Variants in UNC5D observed in about 807,000 individuals in gnomAD.
UNC5D encodes the protein unc-5 netrin receptor D.
In UNC5D, 39 loss-of-function variants were observed where a neutral mutation model predicts 105.4. The ratio of observed to expected loss-of-function variants is 0.37; its 90% CI spans 0.29 to 0.48. UNC5D has a LOEUF of 0.48. Ranked by LOEUF, UNC5D falls within the 20% of genes least tolerant of loss-of-function variation. UNC5D has a pLI of 0.98. For missense variants in UNC5D, 991 were observed against 1,202.4 expected (o/e 0.82, Z 2.60); for synonymous variants, 452 against 450.4 (o/e 1.00, Z -0.04).
chr8:35,414,395 GCTT>G (rs1805398805), intron 1 of UNC5D, among the ~76,000 whole-genome samples: 1 of 151,978 alleles, frequency 6.6e-6, no homozygotes, highest in Non-Finnish European at 1.5e-5. Context: ...TCAGACTGTA[GCTT>G]CCTTCTTCTA....
At chr8:35,615,060 C>T (rs1820947174) in intron 4 of UNC5D, among the ~76,000 whole-genome samples, 1 of 143,812 alleles carries the variant, frequency 7.0e-6, no homozygotes. Context: ...GTCCCCCACC[C>T]CCCGATCTCC....
At chr8:35,276,071 GT>G (rs1010374360) in intron 1 of UNC5D, among the ~76,000 whole-genome samples, 9 of 152,004 alleles carry the variant, frequency 5.9e-5, no homozygotes, top group Non-Finnish European at 1.3e-4. Flanking sequence ...GATACAACGT[GT>G]TTTTTTATTG....
Position 35,513,634 on chromosome 8 carries a change from A to C in UNC5D, c.104-35658A>C, listed in dbSNP as rs534241471. Among the ~76,000 whole-genome samples the C allele has an allele frequency of 3.9e-5, 6 of 152,300 alleles. No homozygotes were observed. The South Asian group carries it at 1.2e-3, about 32-fold the overall frequency. On this transcript the variant is annotated intron_variant, in intron 1 of 16. Coordinates refer to ENST00000404895, the MANE Select transcript of UNC5D (RefSeq NM_080872.4). The stretch of plus-strand genomic sequence containing the variant: ...TCCCTACAGCACTTACTTGTCATCT[A>C]ACATACCATAGACTTGTTAAAAATG...
At chr8:35,311,711 C>T (rs1172586868) in intron 1 of UNC5D, among the ~76,000 whole-genome samples, 1 of 152,074 alleles carries the variant, frequency 6.6e-6, no homozygotes, top group East Asian at 1.9e-4. Context: ...ATCACATCCT[C>T]AGCAGCAACT....
At chr8:35,672,904 A>G (rs1162313864) in intron 4 of UNC5D, among the ~76,000 whole-genome samples, 1 of 152,186 alleles carries the variant, frequency 6.6e-6, no homozygotes, top group African/African-American at 2.4e-5. Flanking sequence ...AAAGGACAAC[A>G]CTATCTGACA....
At chr8:35,309,118 T>TGG (rs1437753800) in intron 1 of UNC5D, among the ~76,000 whole-genome samples, 1 of 152,186 alleles carries the variant, frequency 6.6e-6, no homozygotes, top group Non-Finnish European at 1.5e-5. Context: ...TTCTTCCTCA[T>TGG]GAACAATTCT....
In UNC5D at chr8:35,263,727, A is replaced by G. The variant is rs75940130; in HGVS notation, c.103+27840A>G. Among the ~76,000 whole-genome samples the G allele has an allele frequency of 8.5e-5, 13 of 152,364 alleles. No homozygotes were observed. The East Asian group carries it at 2.5e-3, about 29-fold the overall frequency. ...AGATGACAGAATACAAACTGAATAA[A>G]TGACCTGACCTTAGGAATTAGAATT... On this transcript the variant is annotated intron_variant, in intron 1 of 16. Transcript: ENST00000404895.
At chr8:35,597,692 T>G (rs1047629468) in intron 4 of UNC5D, among the ~76,000 whole-genome samples, 1 of 152,082 alleles carries the variant, frequency 6.6e-6, no homozygotes, top group African/African-American at 2.4e-5. Context: ...ACTCTAGGTC[T>G]CTATTGATCT....
At chr8:35,592,356 C>G (rs911969613) in intron 3 of UNC5D, among the ~76,000 whole-genome samples, 2 of 152,046 alleles carry the variant, frequency 1.3e-5, no homozygotes, top group Non-Finnish European at 2.9e-5. Flanking sequence ...TGGTTTGTTT[C>G]CTTCTCTTGT....
chr8:35,548,421 G>C (rs1208370575), intron 1 of UNC5D, among the ~76,000 whole-genome samples: 1 of 152,110 alleles, frequency 6.6e-6, no homozygotes, highest in Non-Finnish European at 1.5e-5. Flanking sequence ...CCTCTCCACT[G>C]TGCTCAGCAA....
intron 14 of UNC5D, among the ~76,000 whole-genome samples, chr8:35,763,201 T>G (rs1801621073): frequency 6.6e-6 from 1 of 152,230 alleles, no homozygotes; most frequent in Non-Finnish European, 1.5e-5. Flanking sequence ...AAATATTCCC[T>G]TGATACTGTC....
At chr8:35,538,399 ATATATATATATATAT>A (rs1563513998) in intron 1 of UNC5D, among the ~76,000 whole-genome samples, 119 of 23,488 alleles carry the variant, frequency 5.1e-3, no homozygotes, top group African/African-American at 0.045. Flanking sequence ...AAATAATTAT[ATATATATATATATAT>A]ATATATATAT....
At chr8:35,250,378 A>T (rs1462691327) in intron 1 of UNC5D, among the ~76,000 whole-genome samples, 1 of 152,120 alleles carries the variant, frequency 6.6e-6, no homozygotes, top group South Asian at 2.1e-4. Flanking sequence ...ATTTCAACTT[A>T]TATTTTAGAT....
chr8:35,526,252 A>T (rs1813863607), intron 1 of UNC5D, among the ~76,000 whole-genome samples: 1 of 152,272 alleles, frequency 6.6e-6, no homozygotes, highest in East Asian at 1.9e-4. Context: ...CAGGGTCCAC[A>T]TTTATCTTGA....
chr8:35,449,438 C>T (rs1190847383), intron 1 of UNC5D, among the ~76,000 whole-genome samples: 1 of 152,148 alleles, frequency 6.6e-6, no homozygotes, highest in Non-Finnish European at 1.5e-5. Flanking sequence ...CAGTCTTCCC[C>T]TCCACTCTAC....
At chr8:35,245,040 T>C (rs919187568) in intron 1 of UNC5D, among the ~76,000 whole-genome samples, 1 of 152,094 alleles carries the variant, frequency 6.6e-6, no homozygotes, top group Non-Finnish European at 1.5e-5. Context: ...TAAATAAATA[T>C]GCCATTAGAG....
At chr8:35,454,382 A>C (rs1026554764) in intron 1 of UNC5D, among the ~76,000 whole-genome samples, 31 of 152,110 alleles carry the variant, frequency 2.0e-4, no homozygotes, top group African/African-American at 7.5e-4. Flanking sequence ...ACTTTGATAT[A>C]AAAGGGAATA....
chr8:35,348,993 T>A (rs1462751807), intron 1 of UNC5D, among the ~76,000 whole-genome samples: 2 of 151,912 alleles, frequency 1.3e-5, no homozygotes, highest in African/African-American at 4.8e-5. Flanking sequence ...TCTTAAAAAA[T>A]TTAGCAAATT....
intron 1 of UNC5D, among the ~76,000 whole-genome samples, chr8:35,299,877 A>G (rs1279024276): frequency 1.3e-5 from 2 of 152,210 alleles, no homozygotes; most frequent in Non-Finnish European, 2.9e-5. Context: ...ATTGATTGCT[A>G]TTGAATAATG....
Sources: gnomAD v4.1 joint callset for allele counts (sites outside exome capture counted in the v4.1 genomes callset) on GRCh38, gnomAD v4.1.1 for gene constraint, MANE v1.5 for transcripts, NCBI Gene and HGNC (gene_info 2026-07-23, HGNC 2026-07-21) for gene names.